Variants in KCNMA1 observed in about 807,000 individuals in gnomAD.
KCNMA1 encodes Calcium-activated potassium channel subunit alpha-1.
In KCNMA1, 29 loss-of-function variants were observed where a neutral mutation model predicts 140.0. That is an observed-to-expected ratio of 0.21 (90% confidence interval 0.15 to 0.28). The LOEUF (loss-of-function observed/expected upper bound fraction) is 0.28, where lower values mean the gene tolerates loss of function less well. Among genes scored for constraint, KCNMA1 ranks in the 10% least tolerant of loss-of-function variants. The probability of loss-of-function intolerance (pLI) is 1.00; values close to 1 mark genes in which losing one functional copy is unlikely to be tolerated. For missense variants in KCNMA1, 880 were observed against 1,602.2 expected, an observed-to-expected ratio of 0.55 and a Z score of 7.70; for synonymous variants, 612 against 611.9, an observed-to-expected ratio of 1.00 and a Z score of 0.00.
At chr10:76,989,550 C>A (rs545993577) in intron 19 of KCNMA1, among the ~76,000 whole-genome samples, 2 of 152,252 alleles carry the variant, frequency 1.3e-5, no homozygotes, top group East Asian at 1.9e-4. Context: ...TCATTTTACA[C>A]ACAAATTTTG....
chr10:77,062,211 T>A (rs1013577563), intron 14 of KCNMA1, among the ~76,000 whole-genome samples: 1 of 152,244 alleles, frequency 6.6e-6, no homozygotes, highest in Non-Finnish European at 1.5e-5. Flanking sequence ...TTTCCTATAA[T>A]GCAAATGGAT....
intron 5 of KCNMA1, among the ~76,000 whole-genome samples, chr10:77,143,104 A>T (rs973181817): frequency 6.6e-6 from 1 of 152,172 alleles, no homozygotes; most frequent in Non-Finnish European, 1.5e-5. Flanking sequence ...AAACCTAATA[A>T]GAGTATTATG....
chr10:77,499,371 C>CTGTT (rs1603629982), intron 1 of KCNMA1, among the ~76,000 whole-genome samples: 1 of 150,158 alleles, frequency 6.7e-6, no homozygotes, highest in East Asian at 1.9e-4. Flanking sequence ...AAGACAGACC[C>CTGTT]AAGTCTGAAA....
At chr10:76,977,420 A>C in intron 19 of KCNMA1, 1 of 597,374 alleles carries the variant, frequency 1.7e-6, no homozygotes, top group South Asian at 2.1e-5. Flanking sequence ...AAATTTTATC[A>C]GACCATAGCC....
chr10:77,417,625 T>C (rs1192321574), intron 1 of KCNMA1, among the ~76,000 whole-genome samples: 1 of 152,220 alleles, frequency 6.6e-6, no homozygotes, highest in Non-Finnish European at 1.5e-5. Flanking sequence ...AAGATGAATG[T>C]TCTTGTTTAC....
chr10:77,325,735 G>C (rs1214863219), intron 2 of KCNMA1, among the ~76,000 whole-genome samples: 1 of 152,144 alleles, frequency 6.6e-6, no homozygotes, highest in Non-Finnish European at 1.5e-5. Flanking sequence ...GGGCTTTGCT[G>C]TGCTTGCCTC....
chr10:77,553,813 C>T (rs1231237411), intron 1 of KCNMA1, among the ~76,000 whole-genome samples: 1 of 151,436 alleles, frequency 6.6e-6, no homozygotes, highest in Non-Finnish European at 1.5e-5. Context: ...TGTCATCTTG[C>T]CCCTCCTCCC....
At chr10:76,958,138 C>T (rs980565832) in intron 20 of KCNMA1, among the ~76,000 whole-genome samples, 22 of 152,224 alleles carry the variant, frequency 1.4e-4, no homozygotes, top group African/African-American at 5.3e-4. Flanking sequence ...AGGAATTGGG[C>T]CGTTTGTTGT....
chr10:76,887,561 A>G lies in KCNMA1; in HGVS notation c.3462-46T>C, dbSNP rs79626673. Reference sequence around the variant, plus strand: ...TGTCACCTCCTGAGAGTAACTGAGTAAAGAATTCAACTCTCTCTGAACCAA... The same window carrying G: ...TGTCACCTCCTGAGAGTAACTGAGTGAAGAATTCAACTCTCTCTGAACCAA... On this transcript the variant is annotated intron_variant, in intron 27 of 27. Transcript: ENST00000286628. The G allele has an allele frequency of 1.7e-3, 2,726 of 1,610,716 alleles. 49 individuals carry two copies. The African/African-American group carries it at 0.032, about 19-fold the overall frequency.
At chr10:77,391,507 A>T (rs542033767) in intron 2 of KCNMA1, among the ~76,000 whole-genome samples, 13 of 152,308 alleles carry the variant, frequency 8.5e-5, no homozygotes, top group Admixed American at 8.5e-4. Flanking sequence ...AGCCACTGTT[A>T]TGTCCTAGAT....
chr10:77,076,953 C>A (rs74140279), intron 13 of KCNMA1, among the ~76,000 whole-genome samples: 1,615 of 152,074 alleles, frequency 0.011, 17 homozygotes, highest in African/African-American at 0.037. Context: ...ACTTTACAGG[C>A]ACATACCAGG....
chr10:77,361,226 G>A (rs1603406785), intron 2 of KCNMA1, among the ~76,000 whole-genome samples: 1 of 152,212 alleles, frequency 6.6e-6, no homozygotes, highest in Non-Finnish European at 1.5e-5. Context: ...ACTACTATTA[G>A]TGTAGTATTA....
At chr10:77,011,665 T>G (rs773905583) in intron 18 of KCNMA1, among the ~76,000 whole-genome samples, 1 of 152,202 alleles carries the variant, frequency 6.6e-6, no homozygotes, top group Non-Finnish European at 1.5e-5. Context: ...CTCCTCCTTA[T>G]TATACATCAT....
At chr10:77,145,023 A>G (rs2098261891) in intron 5 of KCNMA1, among the ~76,000 whole-genome samples, 1 of 152,230 alleles carries the variant, frequency 6.6e-6, no homozygotes, top group African/African-American at 2.4e-5. Context: ...CCAAAGCACT[A>G]GGGCCCAGTC....
intron 1 of KCNMA1, among the ~76,000 whole-genome samples, chr10:77,503,318 C>T (rs1023242922): frequency 2.6e-5 from 4 of 151,884 alleles, no homozygotes; most frequent in African/African-American, 9.7e-5. Context: ...TTTCTTTCTT[C>T]CAAAGCTCTG....
At chr10:77,359,297 G>A (rs1259820742) in intron 2 of KCNMA1, among the ~76,000 whole-genome samples, 1 of 152,202 alleles carries the variant, frequency 6.6e-6, no homozygotes, top group East Asian at 1.9e-4. Context: ...AGAAACGAGT[G>A]TGTCGGTATG....
At chr10:77,338,875 A>T (rs775414517) in intron 2 of KCNMA1, among the ~76,000 whole-genome samples, 5 of 151,742 alleles carry the variant, frequency 3.3e-5, no homozygotes, top group African/African-American at 4.8e-5. Flanking sequence ...GAAATGTAAG[A>T]CTCTTCTCAA....
chr10:77,003,074 T>C (rs1171422166), intron 18 of KCNMA1, among the ~76,000 whole-genome samples: 1 of 152,190 alleles, frequency 6.6e-6, no homozygotes, highest in East Asian at 1.9e-4. Flanking sequence ...AAGACCTTTA[T>C]GACTTGCCAT....
At chr10:77,282,701 G>C (rs1405018110) in intron 2 of KCNMA1, among the ~76,000 whole-genome samples, 1 of 152,094 alleles carries the variant, frequency 6.6e-6, no homozygotes, top group Non-Finnish European at 1.5e-5. Context: ...GCTCCAATCT[G>C]CAACAACAAA....
Sources: allele counts gnomAD v4.1 joint callset (sites outside exome capture counted in the v4.1 genomes callset), GRCh38; gene constraint gnomAD v4.1.1; transcripts MANE v1.5; gene names NCBI Gene and HGNC (gene_info 2026-07-23, HGNC 2026-07-21).